NXPH1: variants seen among roughly 807,000 people sequenced by gnomAD.
NXPH1 encodes the protein neurexophilin-1.
In NXPH1, 5 loss-of-function variants were observed where a neutral mutation model predicts 23.7. The observed-to-expected ratio is 0.21, with a 90% CI of 0.11 to 0.44. The LOEUF is 0.44. NXPH1 is among the 20% of genes least tolerant of loss of function. The pLI is 0.99. For missense variants in NXPH1, 324 were observed against 321.6 expected, an observed-to-expected ratio of 1.01 and a Z score of -0.06; for synonymous variants, 144 against 122.2, an observed-to-expected ratio of 1.18 and a Z score of -1.18.
intron 2 of NXPH1, among the ~76,000 whole-genome samples, chr7:8,503,889 A>C (rs1359688369): frequency 1.3e-5 from 2 of 151,950 alleles, no homozygotes; most frequent in Non-Finnish European, 2.9e-5. Flanking sequence ...ATGCTTCCTT[A>C]GGCACTGCTC....
chr7:8,672,269 T>C (rs189359164), intron 2 of NXPH1, among the ~76,000 whole-genome samples: 4 of 152,028 alleles, frequency 2.6e-5, no homozygotes, highest in South Asian at 2.1e-4. Context: ...TAGATGGGAA[T>C]TGAACAATGA....
chr7:8,529,125 C>G (rs1019171764), intron 2 of NXPH1, among the ~76,000 whole-genome samples: 2 of 152,246 alleles, frequency 1.3e-5, no homozygotes, highest in African/African-American at 4.8e-5. Flanking sequence ...CCTTCTCACC[C>G]TGGTTGTCTC....
intron 2 of NXPH1, among the ~76,000 whole-genome samples, chr7:8,612,161 TTC>T (rs1006211903): frequency 2.0e-5 from 3 of 151,970 alleles, no homozygotes; most frequent in African/African-American, 7.2e-5. Context: ...TCCTTTCTCT[TTC>T]TGTCATTTCT....
intron 2 of NXPH1, among the ~76,000 whole-genome samples, chr7:8,632,040 A>G (rs1820140125): frequency 6.6e-6 from 1 of 152,142 alleles, no homozygotes; most frequent in African/African-American, 2.4e-5. Flanking sequence ...AAATATTGAT[A>G]AAGATTTAGA....
intron 2 of NXPH1, among the ~76,000 whole-genome samples, chr7:8,518,782 A>G (rs554228792): frequency 2.0e-5 from 3 of 152,148 alleles, no homozygotes; most frequent in Middle Eastern, 3.2e-3. Context: ...CACTGCACCC[A>G]AGTAGCTCTT....
chr7:8,468,052 C>G (rs570934544), intron 2 of NXPH1, among the ~76,000 whole-genome samples: 4 of 152,124 alleles, frequency 2.6e-5, no homozygotes, highest in African/African-American at 7.2e-5. Context: ...CATCCATACT[C>G]CATTTAAATA....
intron 2 of NXPH1, among the ~76,000 whole-genome samples, chr7:8,724,735 T>C (rs12533185): frequency 0.65 from 99,443 of 152,094 alleles, 33,984 homozygotes; most frequent in African/African-American, 0.86. Flanking sequence ...TTCTTTTAAC[T>C]CCAGGAGCAC....
chr7:8,558,852 T>C (rs1044623216), intron 2 of NXPH1, among the ~76,000 whole-genome samples: 1 of 151,804 alleles, frequency 6.6e-6, no homozygotes, highest in Non-Finnish European at 1.5e-5. Flanking sequence ...TCTTTTGTGT[T>C]GATTATCTTG....
intron 2 of NXPH1, among the ~76,000 whole-genome samples, chr7:8,650,135 T>C (rs1205739993): frequency 1.3e-5 from 2 of 152,164 alleles, no homozygotes; most frequent in Non-Finnish European, 2.9e-5. Flanking sequence ...AGAGAAAAAA[T>C]AGTCTGTGTG....
chr7:8,494,590 T>C (rs538926532), intron 2 of NXPH1, among the ~76,000 whole-genome samples: 2 of 152,188 alleles, frequency 1.3e-5, no homozygotes, highest in South Asian at 2.1e-4. Context: ...ATTTTCATTA[T>C]TATTACTATC....
At chr7:8,454,433 GC>G (rs2128605928) in intron 2 of NXPH1, among the ~76,000 whole-genome samples, 1 of 152,214 alleles carries the variant, frequency 6.6e-6, no homozygotes, top group African/African-American at 2.4e-5. Context: ...TTTATCCTCT[GC>G]TTTGTGCATC....
intron 2 of NXPH1, among the ~76,000 whole-genome samples, chr7:8,680,288 G>A (rs867180003): frequency 2.6e-5 from 4 of 152,186 alleles, no homozygotes; most frequent in African/African-American, 7.2e-5. Context: ...TCGGGGAGAG[G>A]GATAGTTTGT....
chr7:8,441,349 GCT>G (rs1463976521), intron 2 of NXPH1, among the ~76,000 whole-genome samples: 2 of 152,074 alleles, frequency 1.3e-5, no homozygotes, highest in Non-Finnish European at 2.9e-5. Context: ...TTCCCGACCA[GCT>G]CTTTTTCTGG....
chr7:8,670,642 G>A (rs143950906), intron 2 of NXPH1, among the ~76,000 whole-genome samples: 1 of 151,960 alleles, frequency 6.6e-6, no homozygotes, highest in Non-Finnish European at 1.5e-5. Context: ...TCACCTTTAG[G>A]CTGCCCAATA....
At chr7:8,534,343 TA>T (rs1241378829) in intron 2 of NXPH1, among the ~76,000 whole-genome samples, 1 of 152,144 alleles carries the variant, frequency 6.6e-6, no homozygotes, top group Non-Finnish European at 1.5e-5. Context: ...AAGTGATTAC[TA>T]AATTTTAAAA....
intron 2 of NXPH1, among the ~76,000 whole-genome samples, chr7:8,665,011 A>G (rs1820737667): frequency 1.3e-5 from 2 of 151,896 alleles, no homozygotes; most frequent in Admixed American, 6.6e-5. Flanking sequence ...TTGCTGTCAT[A>G]AAGTTTTATA....
intron 2 of NXPH1, among the ~76,000 whole-genome samples, chr7:8,534,644 A>G (rs957373669): frequency 1.7e-4 from 26 of 152,140 alleles, no homozygotes; most frequent in African/African-American, 6.3e-4. Context: ...TAAGCTAAAA[A>G]AGAAATATCA....
chr7:8,477,482 C>T (rs1816995739), intron 2 of NXPH1, among the ~76,000 whole-genome samples: 1 of 152,128 alleles, frequency 6.6e-6, no homozygotes, highest in African/African-American at 2.4e-5. Flanking sequence ...AATAAATTTT[C>T]TTTCTTTCCT....
intron 2 of NXPH1, among the ~76,000 whole-genome samples, chr7:8,493,476 C>T (rs1466277124): frequency 1.3e-5 from 2 of 151,960 alleles, no homozygotes; most frequent in Non-Finnish European, 2.9e-5. Context: ...AACATTTGGA[C>T]TATGTGAAGA....
Sources: allele counts gnomAD v4.1 joint callset (sites outside exome capture counted in the v4.1 genomes callset), GRCh38; gene constraint gnomAD v4.1.1; transcripts MANE v1.5; gene names NCBI Gene and HGNC (gene_info 2026-07-23, HGNC 2026-07-21).